The following ZBTB41 variants were observed in gnomAD, a reference collection of about 807,000 sequenced individuals.
ZBTB41 encodes zinc finger and BTB domain-containing protein 41.
A neutral mutation model predicts 87.6 loss-of-function variants in ZBTB41; 42 were observed. The ratio of observed to expected loss-of-function variants is 0.48; its 90% CI spans 0.37 to 0.62. The LOEUF (loss-of-function observed/expected upper bound fraction) is 0.62. ZBTB41 is among the 20% of genes least tolerant of loss of function. ZBTB41 has a pLI of 0.00. For synonymous variants in ZBTB41, 364 were observed against 364.0 expected (o/e 1.00, Z 0.00); for missense variants, 799 against 1,078.9 (o/e 0.74, Z 3.63).
Position 197,181,040 on chromosome 1 carries a change from C to A in ZBTB41, c.1624G>T (p.Gly542Cys), listed in dbSNP as rs1404096433. The part of the protein sequence containing the change: ...NLKRHIECTH[G>C]GKRKWTCFIC... The stretch of plus-strand genomic sequence containing the variant: ...AAGCAAGTCCATTTTCTCTTTCCAC[C>A]ATGAGTACATTCTATATGACGTTTC... Residue 542 changes from glycine (G) to cysteine (C), a missense_variant, in exon 6 of 11, where the codon GGT becomes TGT. This residue lies in a region of ZBTB41 where 198 missense variants were observed against 358.4 expected (regional missense o/e 0.55). Transcript: ENST00000367405. The A allele has an allele frequency of 6.2e-7, 1 of 1,605,900 alleles. No individual in the cohort carries two copies. The highest frequency in any genetic ancestry group is 1.7e-5 in the Admixed American group (1 of 57,866).
Position 197,200,482 on chromosome 1 carries a change from A to G in ZBTB41, c.-9T>C. The stretch of plus-strand genomic sequence containing the variant: ...TTTCTCCTCTTCTTCATTGCAGTAC[A>G]GCAATTTCAGAACAAGAAACTTCAT... On this transcript the variant is annotated 5_prime_UTR_variant, in exon 2 of 11. Transcript: ENST00000367405. 2 of 1,557,130 alleles carry G rather than the reference A, an allele frequency of 1.3e-6. No individual in the cohort carries two copies. The highest frequency in any genetic ancestry group is 8.6e-7 in the Non-Finnish European group (1 of 1,157,942).
Position 197,176,610 on chromosome 1 carries a change from T to C in ZBTB41, c.1833A>G (p.Thr611=). Residue 611 remains threonine (T), a synonymous_variant, in exon 8 of 11, where the codon ACA becomes ACG. Transcript: ENST00000367405. The part of the protein sequence containing the change: ...KRYECDECGK[T]FIRHDHLTKH... The stretch of plus-strand genomic sequence containing the variant: ...TTGTAAGGTGATCATGACGGATAAA[T>C]GTTTTTCCACATTCATCGCACTCAT... 3.7e-6 allele frequency: 6 copies of C among 1,612,328 alleles called. No homozygotes were observed. The highest frequency in any genetic ancestry group is 5.1e-6 in the Non-Finnish European group (6 of 1,179,150).
intron 10 of ZBTB41, among the ~76,000 whole-genome samples, chr1:197,167,267 C>T (rs1214719226): frequency 1.3e-5 from 2 of 152,158 alleles, no homozygotes; most frequent in Non-Finnish European, 2.9e-5. Context: ...GCCATCCCAG[C>T]TCACTGCAGC....
At chr1:197,191,636 C>A (rs1359774921) in intron 3 of ZBTB41, 56 bp downstream of exon 3, 4 of 1,415,070 alleles carry the variant, frequency 2.8e-6, no homozygotes, top group Non-Finnish European at 3.8e-6. Flanking sequence ...TAGCTTTCCA[C>A]ATATTTAAAT....
intron 4 of ZBTB41, among the ~76,000 whole-genome samples, chr1:197,189,768 TACTC>T: frequency 6.6e-6 from 1 of 152,296 alleles, no homozygotes; most frequent in Middle Eastern, 3.4e-3. Flanking sequence ...TTGGAACACA[TACTC>T]ACTCTTGGAA....
rs1659071177 is a variant in ZBTB41 at position 197,156,451 on chromosome 1, CAAAAT to C, written c.*2903_*2907del. 6.6e-6 allele frequency: 1 copy of C among 152,002 alleles called. No homozygotes were observed. Among genetic ancestry groups the C allele is most frequent in the African/African-American group, 2.4e-5 (1 of 41,346 alleles). The allele number at this position is 152,002 out of a possible 1,614,324, so 9.4% of individuals were successfully genotyped here. On this transcript the variant is annotated 3_prime_UTR_variant, in exon 11 of 11. Coordinates refer to ENST00000367405, the MANE Select transcript of ZBTB41 (RefSeq NM_194314.3). ...AATTTAAAACAATAAATTATGCTCA[CAAAAT>C]AAAAAAATTCTGAATGAGGCTAAAC...
rs1659079429 is a variant in ZBTB41, at chr1:197,156,909, G to C, written c.*2450C>G. 6.6e-6 allele frequency: 1 copy of C among 152,112 alleles called. No homozygotes were observed. The highest frequency in any genetic ancestry group is 2.4e-5 in the African/African-American group (1 of 41,380). 9.4% of individuals were successfully genotyped at this position (152,112 alleles called of 1,614,324 possible). ...CCTACTAGTAGCTCTGCCACCTACT[G>C]ACCATGTGAGCTTAAATGAGTCCTT... On this transcript the variant is annotated 3_prime_UTR_variant, in exon 11 of 11. Transcript: ENST00000367405.
chr1:197,159,706 C>T lies in ZBTB41; in HGVS notation c.2383G>A (p.Ala795Thr). 6.2e-7 allele frequency: 1 copy of T among 1,613,984 alleles called. No individual in the cohort carries two copies. Among genetic ancestry groups the T allele is most frequent in the Non-Finnish European group, 8.5e-7 (1 of 1,179,918 alleles). The change falls in exon 11 of 11, where the codon GCC becomes ACC. Residue 795 changes from alanine (A) to threonine (T), a missense_variant. Ala to Thr is a moderately conservative substitution (Grantham distance 58). This residue lies in a region of ZBTB41 where 171 missense variants were observed against 191.9 expected (regional missense o/e 0.89). Transcript: ENST00000367405. ...GATACATTCTGTAACATCGTCTTGG[C>T]TTCCGACTGATAAACTTTGGGCTGG... is the stretch of plus-strand genomic sequence containing the variant. ...MDQPKVYQSE[A>T]KTMLQNVSAE...
chr1:197,168,609 A>C (rs1487664807), intron 10 of ZBTB41, among the ~76,000 whole-genome samples: 1 of 152,102 alleles, frequency 6.6e-6, no homozygotes, highest in Non-Finnish European at 1.5e-5. Flanking sequence ...AACAAACAAA[A>C]ACAAATTATA....
At chr1:197,174,906 C>G in intron 9 of ZBTB41, 104 bp downstream of exon 9, 4 of 746,398 alleles carry the variant, frequency 5.4e-6, no homozygotes, top group Non-Finnish European at 8.6e-6. Flanking sequence ...AGAAAGAGAA[C>G]TGGTTAACCT....
chr1:197,165,572 G>A (rs557791817), intron 10 of ZBTB41, among the ~76,000 whole-genome samples: 1 of 150,996 alleles, frequency 6.6e-6, no homozygotes, highest in Non-Finnish European at 1.5e-5. Context: ...ATTGCACCAC[G>A]GCACTCCAGC....
intron 2 of ZBTB41, among the ~76,000 whole-genome samples, chr1:197,198,336 G>A (rs1233069697): frequency 3.9e-5 from 6 of 152,078 alleles, no homozygotes; most frequent in East Asian, 3.9e-4. Context: ...TTATGTCAGC[G>A]TATAATGCAA....
chr1:197,185,299 C>CTGAA lies in ZBTB41; in HGVS notation c.1546+2989_1546+2992dup, dbSNP rs200404278. Among the ~76,000 whole-genome samples the CTGAA allele has an allele frequency of 7.3e-3, 1,108 of 152,042 alleles. 13 individuals carry two copies. The highest frequency in any genetic ancestry group is 0.025 in the African/African-American group (1,052 of 41,418). On this transcript the variant is annotated intron_variant, in intron 5 of 10. Coordinates refer to ENST00000367405, the MANE Select transcript of ZBTB41 (RefSeq NM_194314.3). ...CTAAGTTGTTAACAAAAGTAATGAACTGAACATGGAGAGGACCTCTACCTG... is the reference window on the plus strand; with the variant it reads ...CTAAGTTGTTAACAAAAGTAATGAACTGAATGAACATGGAGAGGACCTCTACCTG...
intron 5 of ZBTB41, among the ~76,000 whole-genome samples, chr1:197,185,805 A>C (rs1346827751): frequency 2.6e-5 from 4 of 152,186 alleles, no homozygotes; most frequent in Non-Finnish European, 5.9e-5. Context: ...GATCTATATG[A>C]GAAAACTACA....
chr1:197,187,893 C>A (rs1307793474), intron 5 of ZBTB41, among the ~76,000 whole-genome samples: 1 of 152,088 alleles, frequency 6.6e-6, no homozygotes, highest in Non-Finnish European at 1.5e-5. Context: ...TGGAGAAGCA[C>A]AGGGAAATTT....
At position 197,191,214 on chromosome 1, in the gene ZBTB41, C is replaced by A. The variant is rs138357653; in HGVS notation, c.1329-383G>T. Among the ~76,000 whole-genome samples, 1,051 of 152,018 alleles carry A rather than the reference C, an allele frequency of 6.9e-3. 9 individuals are homozygous for A. Among genetic ancestry groups the A allele is most frequent in the African/African-American group, 0.023 (953 of 41,468 alleles). ...GTGGCTCACACCTGTAATCCCAGCA[C>A]TTTGGGAGGTCAAGGCGGGCAGATC... On this transcript the variant is annotated intron_variant, in intron 3 of 10. Coordinates refer to ENST00000367405, the MANE Select transcript of ZBTB41 (RefSeq NM_194314.3).
At position 197,200,446 on chromosome 1, in the gene ZBTB41, T is replaced by C. The variant is rs144266663; in HGVS notation, c.28A>G (p.Asn10Asp). The change falls in exon 2 of 11, where the codon AAT (asparagine) becomes GAT (aspartate). Residue 10 changes from asparagine (N) to aspartate (D), a missense_variant. Around this residue, in one of 5 missense-constraint regions of ZBTB41, gnomAD observed 77 missense variants for 68.4 expected, o/e 1.13. Transcript: ENST00000367405. The part of the protein sequence containing the change: MKKRRKVTS[N>D]LEKIHLGYHK... The stretch of plus-strand genomic sequence containing the variant: ...TAGCCTAGATGGATCTTCTCAAGAT[T>C]TGAAGTAACCTTTCTCCTCTTCTTC... The C allele has an allele frequency of 3.2e-5, 52 of 1,600,914 alleles. No homozygotes were observed. The highest frequency in any genetic ancestry group is 1.7e-4 in the Middle Eastern group (1 of 5,988).
intron 3 of ZBTB41, among the ~76,000 whole-genome samples, chr1:197,191,061 T>G (rs752287275): frequency 1.1e-4 from 16 of 152,108 alleles, no homozygotes; most frequent in Non-Finnish European, 2.4e-4. Flanking sequence ...TTTTTTTTAG[T>G]CCAGATTTCA....
chr1:197,197,437 G>A (rs1475942135), intron 2 of ZBTB41, among the ~76,000 whole-genome samples: 2 of 151,742 alleles, frequency 1.3e-5, no homozygotes, highest in African/African-American at 4.8e-5. Flanking sequence ...GTGACATAAT[G>A]TAAAATACAT....
Sources: allele counts gnomAD v4.1 joint callset (sites outside exome capture counted in the v4.1 genomes callset), GRCh38; gene constraint gnomAD v4.1.1; regional missense constraint gnomAD v4.1.1; transcripts MANE v1.5; gene names NCBI Gene and HGNC (gene_info 2026-07-23, HGNC 2026-07-21).